SLC27A4: variants seen among roughly 807,000 people sequenced by gnomAD.
SLC27A4 encodes the protein long-chain fatty acid transport protein 4.
In SLC27A4, 33 loss-of-function variants were observed where a neutral mutation model predicts 64.4. The observed-to-expected ratio is 0.51, with a 90% CI of 0.39 to 0.68. The LOEUF is 0.68. SLC27A4 is among the 30% of genes least tolerant of loss of function. The pLI is 0.00. For synonymous variants in SLC27A4, 377 were observed against 370.0 expected (o/e 1.02, Z -0.22); for missense variants, 824 against 883.5 (o/e 0.93, Z 0.85).
At position 128,360,504 on chromosome 9, in the gene SLC27A4, C is replaced by G. The variant is rs1024176997; in HGVS notation, c.*13C>G. On this transcript the variant is annotated 3_prime_UTR_variant, in exon 13 of 13. Coordinates refer to ENST00000300456, the MANE Select transcript of SLC27A4 (RefSeq NM_005094.4). ...GGAGAAGCTGTGATTCCCCCCATCC[C>G]TCTGAGGGCCGGCGGATGCTGGATC... 5 of 1,613,108 alleles carry G rather than the reference C, an allele frequency of 3.1e-6. No homozygotes were observed. The highest frequency in any genetic ancestry group is 2.5e-6 in the Non-Finnish European group (3 of 1,179,904).
chr9:128,348,284 T>G (rs893060283), intron 3 of SLC27A4, among the ~76,000 whole-genome samples: 1 of 152,148 alleles, frequency 6.6e-6, no homozygotes, highest in Non-Finnish European at 1.5e-5. Context: ...TTCTCATCTG[T>G]AAGAGGGGCT....
intron 12 of SLC27A4, among the ~76,000 whole-genome samples, chr9:128,357,517 T>C (rs1211899081): frequency 6.6e-6 from 1 of 151,314 alleles, no homozygotes; most frequent in African/African-American, 2.4e-5. Flanking sequence ...GTGTACGGAG[T>C]GGGAGAGGAT....
intron 3 of SLC27A4, among the ~76,000 whole-genome samples, chr9:128,348,172 G>C (rs77352283): frequency 0.029 from 4,349 of 152,124 alleles, 180 homozygotes; most frequent in African/African-American, 0.099. Flanking sequence ...GCGGGATAGT[G>C]GGGGGGAGCC....
chr9:128,355,823 C>T (rs374595800), intron 12 of SLC27A4, 27 bp downstream of exon 12: 981 of 1,611,302 alleles, frequency 6.1e-4, no homozygotes, highest in Non-Finnish European at 7.6e-4. Flanking sequence ...CTCCAGCTCT[C>T]GGATCCCAGG....
Position 128,360,598 on chromosome 9 carries a change from C to A in SLC27A4, c.*107C>A. The A allele has an allele frequency of 8.2e-7, 1 of 1,225,852 alleles. No homozygotes were observed. Among genetic ancestry groups the A allele is most frequent in the Non-Finnish European group, 1.2e-6 (1 of 852,950 alleles). 75.9% of individuals were successfully genotyped at this position (1,225,852 alleles called of 1,614,324 possible). On this transcript the variant is annotated 3_prime_UTR_variant, in exon 13 of 13. Coordinates refer to ENST00000300456, the MANE Select transcript of SLC27A4 (RefSeq NM_005094.4). ...GACCAAAGCAAGCAGGGCCTGGCAC[C>A]TCCATCCTGAGGTGCTGCCCCTCCA...
Position 128,355,461 on chromosome 9 carries a change from T to C in SLC27A4, c.1526T>C (p.Phe509Ser), listed in dbSNP as rs1463848003. ...TTCCGAGACCGCACTGGGGACACGT[T>C]CCGCTGGAAAGGTGAGAACGTGTCC... ...LYFRDRTGDT[F>S]RWKGENVSTT... is the part of the protein sequence containing the mutation. Residue 509 changes from phenylalanine to serine, a missense_variant, in exon 11 of 13, where the codon TTC becomes TCC. Transcript: ENST00000300456. The C allele has an allele frequency of 6.2e-7, 1 of 1,611,790 alleles. No homozygotes were observed. The highest frequency in any genetic ancestry group is 1.1e-5 in the South Asian group (1 of 91,068).
chr9:128,353,995 G>A lies in SLC27A4; in HGVS notation c.1324+454G>A, dbSNP rs540483092. Among the ~76,000 whole-genome samples, 8 of 151,592 alleles carry A rather than the reference G, an allele frequency of 5.3e-5. No individual in the cohort carries two copies. The highest frequency in any genetic ancestry group is 7.4e-5 in the Non-Finnish European group (5 of 67,964). On this transcript the variant is annotated intron_variant, in intron 9 of 12. Coordinates refer to ENST00000300456, the MANE Select transcript of SLC27A4 (RefSeq NM_005094.4). The surrounding 1 kb of genome is among the most constrained non-coding windows in gnomAD (Gnocchi z 4.9). ...CCTGACCTCGTGATCCGCCCGCCTC[G>A]GCCTCCCAAAGTGCTGGGATTACAG...
At position 128,360,690 on chromosome 9, in the gene SLC27A4, T is replaced by TCCAAGTTCCGTCTTCTGGGCTGGGCAGGC; in HGVS notation, c.*202_*230dup. The TCCAAGTTCCGTCTTCTGGGCTGGGCAGGC allele has an allele frequency of 4.9e-6, 3 of 606,468 alleles. No homozygotes were observed. In the South Asian group the frequency reaches 5.8e-5, roughly 12 times the overall value. 37.6% of individuals were successfully genotyped at this position (606,468 alleles called of 1,614,324 possible). ...AGAGGCTTTCTGTGAAAGTCTCATG[T>TCCAAGTTCCGTCTTCTGGGCTGGGCAGGC]CCAAGTTCCGTCTTCTGGGCTGGGC... On this transcript the variant is annotated 3_prime_UTR_variant, in exon 13 of 13. Transcript: ENST00000300456.
At chr9:128,351,256 A>G (rs932662121) in intron 6 of SLC27A4, among the ~76,000 whole-genome samples, 10 of 144,288 alleles carry the variant, frequency 6.9e-5, no homozygotes, top group Admixed American at 4.2e-4. Context: ...AGAGCGAGAC[A>G]CTGTCTCAAA....
chr9:128,347,950 A>G (rs1202638119), intron 3 of SLC27A4, among the ~76,000 whole-genome samples: 1 of 151,892 alleles, frequency 6.6e-6, no homozygotes, highest in East Asian at 1.9e-4. Flanking sequence ...CAGCCAGGGA[A>G]GAAGAGAGGG....
chr9:128,353,616 C>A lies in SLC27A4; in HGVS notation c.1324+75C>A. 6.6e-7 allele frequency: 1 copy of A among 1,526,292 alleles called. No individual in the cohort carries two copies. Among genetic ancestry groups the A allele is most frequent in the Non-Finnish European group, 9.0e-7 (1 of 1,114,998 alleles). The allele number at this position is 1,526,292 out of a possible 1,614,324, so 94.5% of individuals were successfully genotyped here. The stretch of plus-strand genomic sequence containing the variant: ...AGGCCAGGCGCGTGTGGATGGGGAG[C>A]CTTGTTCTGACCAGTGGCCATCAGT... On this transcript the variant is annotated intron_variant, in intron 9 of 12. Transcript: ENST00000300456. This position sits in a 1 kb window ranked among gnomAD's most constrained non-coding sequence, Gnocchi z 4.9.
intron 6 of SLC27A4, among the ~76,000 whole-genome samples, chr9:128,352,029 AC>A (rs1832744299): frequency 6.7e-6 from 1 of 149,314 alleles, no homozygotes; most frequent in South Asian, 2.1e-4. Context: ...TACTAAAAAT[AC>A]AAAAAAAAAA....
rs1337162282 is a variant in SLC27A4 at position 128,355,392 on chromosome 9, C to T, written c.1463-6C>T. Reference sequence around the variant, plus strand: ...CCCAGCCCTGCCTCATCCGGCCCCTCCCTAGGTGATGTGCTGGTGATGGAC... The same window carrying T: ...CCCAGCCCTGCCTCATCCGGCCCCTTCCTAGGTGATGTGCTGGTGATGGAC... On this transcript the variant is annotated splice_region_variant and splice_polypyrimidine_tract_variant and intron_variant, in intron 10 of 12. Transcript: ENST00000300456. 5.0e-6 allele frequency: 8 copies of T among 1,613,438 alleles called. No homozygotes were observed. Among genetic ancestry groups the T allele is most frequent in the Non-Finnish European group, 5.9e-6 (7 of 1,180,000 alleles).
chr9:128,353,536 A>C lies in SLC27A4; in HGVS notation c.1319A>C (p.Gln440Pro). 1 of 1,613,976 alleles carries C rather than the reference A, an allele frequency of 6.2e-7. No individual in the cohort carries two copies. Among genetic ancestry groups the C allele is most frequent in the Non-Finnish European group, 8.5e-7 (1 of 1,179,944 alleles). ...RGPDGVCIPC[Q>P]PGEPGQLVGR... Reference sequence around the variant, plus strand: ...CCCGACGGCGTCTGCATTCCCTGCCAGCCAGGTCTGCCACTTCGGGGTCAG... The same window carrying C: ...CCCGACGGCGTCTGCATTCCCTGCCCGCCAGGTCTGCCACTTCGGGGTCAG... Residue 440 changes from glutamine to proline, a missense_variant, in exon 9 of 13, where the codon CAG becomes CCG. Gln to Pro is a moderately conservative substitution (Grantham distance 76). Coordinates refer to ENST00000300456, the MANE Select transcript of SLC27A4 (RefSeq NM_005094.4). This position sits in a 1 kb window ranked among gnomAD's most constrained non-coding sequence, Gnocchi z 4.9.
Position 128,345,672 on chromosome 9 carries a change from C to G in SLC27A4, c.556+123C>G. On this transcript the variant is annotated intron_variant, in intron 3 of 12. Coordinates refer to ENST00000300456, the MANE Select transcript of SLC27A4 (RefSeq NM_005094.4). This position sits in a 1 kb window ranked among gnomAD's most constrained non-coding sequence, Gnocchi z 4.1. Reference sequence around the variant, plus strand: ...GTTAAGGGCACAGAGTGGAGTCAGACAGCTTAGGCAGTGCCACGAGTAAAC... The same window carrying G: ...GTTAAGGGCACAGAGTGGAGTCAGAGAGCTTAGGCAGTGCCACGAGTAAAC... The G allele has an allele frequency of 8.6e-7, 1 of 1,162,660 alleles. No individual in the cohort carries two copies. The allele number at this position is 1,162,660 out of a possible 1,614,324, so 72.0% of individuals were successfully genotyped here.
chr9:128,347,173 G>A (rs757383318), intron 3 of SLC27A4, among the ~76,000 whole-genome samples: 1 of 152,292 alleles, frequency 6.6e-6, no homozygotes, highest in Non-Finnish European at 1.5e-5. Context: ...TTTATTTGCT[G>A]CCACATTGGG....
At chr9:128,347,401 G>A (rs982986848) in intron 3 of SLC27A4, among the ~76,000 whole-genome samples, 1 of 152,166 alleles carries the variant, frequency 6.6e-6, no homozygotes. Context: ...CACTGTTGTG[G>A]TTGTGGGATA....
At chr9:128,346,383 G>A (rs367665145) in intron 3 of SLC27A4, among the ~76,000 whole-genome samples, 3 of 151,664 alleles carry the variant, frequency 2.0e-5, no homozygotes, top group Non-Finnish European at 1.5e-5. Context: ...ACAGGCACCC[G>A]CCACCACGCC....
chr9:128,354,845 C>G (rs1832792476), intron 9 of SLC27A4, among the ~76,000 whole-genome samples: 1 of 150,788 alleles, frequency 6.6e-6, no homozygotes, highest in African/African-American at 2.5e-5. Flanking sequence ...CTCAGCTACT[C>G]AGGAGGCTAA....
Sources: allele counts gnomAD v4.1 joint callset (sites outside exome capture counted in the v4.1 genomes callset), GRCh38; gene constraint gnomAD v4.1.1; non-coding constraint Gnocchi (gnomAD v3.1); transcripts MANE v1.5; gene names NCBI Gene and HGNC (gene_info 2026-07-23, HGNC 2026-07-21).